Variants in MAP10 observed in about 807,000 individuals in gnomAD.
The protein encoded by MAP10 is microtubule-associated protein 10.
MAP10 carries 10 observed loss-of-function variants against 6.3 expected under a neutral mutation model. The ratio of observed to expected loss-of-function variants is 1.58; its 90% CI spans 0.98 to 2.69. MAP10 has a LOEUF of 2.69. Among genes scored for constraint, MAP10 ranks in the 30% most tolerant of loss-of-function variants. MAP10 has a pLI of 0.00. For synonymous variants in MAP10, 459 were observed against 429.3 expected (o/e 1.07, Z -0.86); for missense variants, 1,189 against 1,086.5 (o/e 1.09, Z -1.33).
At chr1:232,806,188 A>T in the MAP10 span, 1 of 1,614,028 alleles carries the variant, frequency 6.2e-7, no homozygotes, top group Admixed American at 1.7e-5. Context: ...GAAGGATTTG[A>T]AGGAAATGGT....
In MAP10 at chr1:232,807,836, C is replaced by T; in HGVS notation, c.2387C>T (p.Ala796Val). ...KSLEEASSISASDLSSTHWTE... is the reference protein window; with the variant it reads ...KSLEEASSISVSDLSSTHWTE... ...TTGGAGGAAGCATCTAGTATCTCTGCTAGTGATTTATCTTCAACACATTGG... is the reference window on the plus strand; with the variant it reads ...TTGGAGGAAGCATCTAGTATCTCTGTTAGTGATTTATCTTCAACACATTGG... Residue 796 changes from alanine (A) to valine (V), a missense_variant, in exon 1 of 1, where the codon GCT becomes GTT. Physicochemically the swap from Ala to Val is moderately conservative, Grantham distance 64 (BLOSUM62 0). Transcript: ENST00000418460. 1 of 1,613,362 alleles carries T rather than the reference C, an allele frequency of 6.2e-7. No homozygotes were observed. Among genetic ancestry groups the T allele is most frequent in the African/African-American group, 1.3e-5 (1 of 74,940 alleles).
chr1:232,807,997 C>G lies in MAP10; in HGVS notation c.2548C>G (p.Gln850Glu), dbSNP rs752181146. 1 of 1,613,424 alleles carries G rather than the reference C, an allele frequency of 6.2e-7. No individual in the cohort carries two copies. Among genetic ancestry groups the G allele is most frequent in the Non-Finnish European group, 8.5e-7 (1 of 1,179,632 alleles). The stretch of plus-strand genomic sequence containing the variant: ...AAAAAGCCAGTCACCACAAACATCC[C>G]AGGTGAGTTCTTACCTGCCTTCAAA... ...LEKSQSPQTSQVSSYLPSNVS... is the reference protein window; with the variant it reads ...LEKSQSPQTSEVSSYLPSNVS... Residue 850 changes from glutamine to glutamate, a missense_variant, in exon 1 of 1, where the codon CAG (glutamine) becomes GAG (glutamate). By Grantham distance (29) the Gln-to-Glu change is conservative (BLOSUM62 2). Coordinates refer to ENST00000418460, the MANE Select transcript of MAP10 (RefSeq NM_019090.3).
Position 232,806,328 on chromosome 1 carries a change from C to G in MAP10, c.879C>G (p.Asp293Glu), listed in dbSNP as rs181890143. ...TAAATGAGGAAGTCACAGAATTGGA[C>G]ATGGAGACCAATATATTTTGCCCTC... ...SSLNEEVTEL[D>E]METNIFCPPP... The change falls in exon 1 of 1, where the codon GAC (aspartate) becomes GAG (glutamate). Residue 293 changes from aspartate (D) to glutamate (E), a missense_variant. Physicochemically the swap from Asp to Glu is conservative, Grantham distance 45. Transcript: ENST00000418460. The G allele has an allele frequency of 3.1e-6, 5 of 1,613,840 alleles. No individual in the cohort carries two copies. The highest frequency in any genetic ancestry group is 4.2e-6 in the Non-Finnish European group (5 of 1,179,908).
Position 232,805,706 on chromosome 1 carries a change from T to A in MAP10, c.257T>A (p.Val86Asp), listed in dbSNP as rs755035061. The change falls in exon 1 of 1, where the codon GTC (valine) becomes GAC (aspartate). Residue 86 changes from valine to aspartate, a missense_variant. Val to Asp is a radical substitution (Grantham distance 152). Coordinates refer to ENST00000418460, the MANE Select transcript of MAP10 (RefSeq NM_019090.3). ...GAPAAEPWPG[V>D]IRFGRGKSCL... The stretch of plus-strand genomic sequence containing the variant: ...CCCGCCGCCGAACCGTGGCCCGGTG[T>A]CATCCGCTTCGGTCGCGGCAAGTCC... The A allele has an allele frequency of 1.9e-6, 3 of 1,604,188 alleles. No individual in the cohort carries two copies. The highest frequency in any genetic ancestry group is 2.7e-5 in the African/African-American group (2 of 74,884).
rs754095187 is a variant in MAP10, at chr1:232,806,741, A to G, written c.1292A>G (p.Asp431Gly). The change falls in exon 1 of 1, where the codon GAT becomes GGT. Residue 431 changes from aspartate (D) to glycine (G), a missense_variant. Coordinates refer to ENST00000418460, the MANE Select transcript of MAP10 (RefSeq NM_019090.3). ...CTAGCCTGGTTATATAGGACTGAGG[A>G]TAAGAAGTCACCCGAATCTTCTGCC... ...PHLAWLYRTE[D>G]KKSPESSAKS... 2.5e-6 allele frequency: 4 copies of G among 1,613,822 alleles called. No homozygotes were observed. The Admixed American group carries it at 5.0e-5, about 20-fold the overall frequency.
In MAP10 at chr1:232,806,533, C is replaced by T. The variant is rs745418605; in HGVS notation, c.1084C>T (p.His362Tyr). The T allele has an allele frequency of 1.9e-6, 3 of 1,613,954 alleles. No homozygotes were observed. In the Admixed American group the frequency reaches 5.0e-5, roughly 27 times the overall value. The change falls in exon 1 of 1, where the codon CAT (histidine) becomes TAT (tyrosine). Residue 362 changes from histidine to tyrosine, a missense_variant. Transcript: ENST00000418460. The stretch of plus-strand genomic sequence containing the variant: ...GCATCCAAGTTCTGCAGCACACGAA[C>T]ATCCTCCAATGCTTGTAAATCCTCC... ...LKHPSSAAHE[H>Y]PPMLVNPPHI...
In MAP10 at chr1:232,808,209, T is replaced by G; in HGVS notation, c.*42T>G. On this transcript the variant is annotated 3_prime_UTR_variant, in exon 1 of 1. Transcript: ENST00000418460. ...AAAACTTTCAAGGACCTATGTGTAC[T>G]GTTAGTGAAAAAAATTTTAAAGCTG... 1 of 1,322,368 alleles carries G rather than the reference T, an allele frequency of 7.6e-7. No homozygotes were observed. Among genetic ancestry groups the G allele is most frequent in the Non-Finnish European group, 9.9e-7 (1 of 1,006,690 alleles). The allele number at this position is 1,322,368 out of a possible 1,614,324, so 81.9% of individuals were successfully genotyped here.
chr1:232,807,965 CTT>C, the MAP10 span: 5 of 1,612,602 alleles, frequency 3.1e-6, no homozygotes, highest in Admixed American at 8.4e-5. Flanking sequence ...AGTTGGAAAT[CTT>C]TAGAAAAAAG....
Position 232,808,605 on chromosome 1 carries a change from A to G in MAP10, c.*438A>G, listed in dbSNP as rs1056092506. On this transcript the variant is annotated 3_prime_UTR_variant, in exon 1 of 1. Transcript: ENST00000418460. ...ATTTATGATAGAGCCCTGCTGTTTT[A>G]AAAGCTTACAGTTGTATGTAGATAA... 1.3e-5 allele frequency among the ~76,000 whole-genome samples: 2 copies of G among 152,212 alleles called. No homozygotes were observed. Among genetic ancestry groups the G allele is most frequent in the African/African-American group, 4.8e-5 (2 of 41,474 alleles).
At chr1:232,807,791 CAA>C in the MAP10 span, 1 of 1,613,250 alleles carries the variant, frequency 6.2e-7, no homozygotes, top group Non-Finnish European at 8.5e-7. Context: ...TTTCATATTT[CAA>C]AGACTCAGGA....
At position 232,806,770 on chromosome 1, in the gene MAP10, T is replaced by A. The variant is rs1400133188; in HGVS notation, c.1321T>A (p.Ser441Thr). ...GAAGTCACCCGAATCTTCTGCCAAA[T>A]CCACATGCCGGTCTGAAGCCAAGAA... ...DKKSPESSAK[S>T]TCRSEAKKDK... The change falls in exon 1 of 1, where the codon TCC becomes ACC. Residue 441 changes from serine to threonine, a missense_variant. Physicochemically the swap from Ser to Thr is moderately conservative, Grantham distance 58 (BLOSUM62 1). Transcript: ENST00000418460. 6.2e-7 allele frequency: 1 copy of A among 1,613,772 alleles called. No homozygotes were observed. Among genetic ancestry groups the A allele is most frequent in the Non-Finnish European group, 8.5e-7 (1 of 1,179,838 alleles).
In MAP10 at chr1:232,807,776, G is replaced by A. The variant is rs1218558801; in HGVS notation, c.2327G>A (p.Arg776Lys). 1 of 1,613,194 alleles carries A rather than the reference G, an allele frequency of 6.2e-7. No individual in the cohort carries two copies. The highest frequency in any genetic ancestry group is 8.5e-7 in the Non-Finnish European group (1 of 1,179,706). ...GCCGGGTCACCTGTACACTCATACAGAAAATTTCATATTTCAAAGACTCAG... is the reference window on the plus strand; with the variant it reads ...GCCGGGTCACCTGTACACTCATACAAAAAATTTCATATTTCAAAGACTCAG... The part of the protein sequence containing the change: ...FSAGSPVHSY[R>K]KFHISKTQDK... Residue 776 changes from arginine (R) to lysine (K), a missense_variant, in exon 1 of 1, where the codon AGA (arginine) becomes AAA (lysine). Arg to Lys is a conservative substitution (Grantham distance 26). Coordinates refer to ENST00000418460, the MANE Select transcript of MAP10 (RefSeq NM_019090.3).
rs766549655 is a variant in MAP10 at position 232,807,742 on chromosome 1, C to T, written c.2293C>T (p.Pro765Ser). Residue 765 changes from proline to serine, a missense_variant, in exon 1 of 1, where the codon CCT becomes TCT. Coordinates refer to ENST00000418460, the MANE Select transcript of MAP10 (RefSeq NM_019090.3). ...SSDRSSILSP[P>S]FSAGSPVHSY... ...TGACAGGAGTTCTATCCTTAGCCCA[C>T]CTTTTTCAGCCGGGTCACCTGTACA... 1.9e-6 allele frequency: 3 copies of T among 1,613,678 alleles called. No homozygotes were observed. The highest frequency in any genetic ancestry group is 2.5e-6 in the Non-Finnish European group (3 of 1,179,788).
In MAP10 at chr1:232,806,534, A is replaced by G. The variant is rs769181679; in HGVS notation, c.1085A>G (p.His362Arg). 3.3e-5 allele frequency: 54 copies of G among 1,613,868 alleles called. No homozygotes were observed. Among genetic ancestry groups the G allele is most frequent in the Non-Finnish European group, 4.5e-5 (53 of 1,179,884 alleles). ...LKHPSSAAHEHPPMLVNPPHI... is the reference protein window; with the variant it reads ...LKHPSSAAHERPPMLVNPPHI... Reference sequence around the variant, plus strand: ...CATCCAAGTTCTGCAGCACACGAACATCCTCCAATGCTTGTAAATCCTCCA... The same window carrying G: ...CATCCAAGTTCTGCAGCACACGAACGTCCTCCAATGCTTGTAAATCCTCCA... The change falls in exon 1 of 1, where the codon CAT (histidine) becomes CGT (arginine). Residue 362 changes from histidine to arginine, a missense_variant. Coordinates refer to ENST00000418460, the MANE Select transcript of MAP10 (RefSeq NM_019090.3).
Position 232,806,131 on chromosome 1 carries a change from A to G in MAP10, c.682A>G (p.Lys228Glu). The G allele has an allele frequency of 6.2e-7, 1 of 1,614,032 alleles. No homozygotes were observed. Among genetic ancestry groups the G allele is most frequent in the Non-Finnish European group, 8.5e-7 (1 of 1,179,900 alleles). Residue 228 changes from lysine to glutamate, a missense_variant, in exon 1 of 1, where the codon AAA becomes GAA. Lys to Glu is a moderately conservative substitution (Grantham distance 56). Transcript: ENST00000418460. ...GCAGCCAGCCTCACAGCCAAGCCCA[A>G]AAGAGGCTGATAAGCCGCTGGGGGA... ...LQQPASQPSPKEADKPLGELE... is the reference protein window; with the variant it reads ...LQQPASQPSPEEADKPLGELE...
At position 232,807,578 on chromosome 1, in the gene MAP10, C is replaced by A. The variant is rs1406391760; in HGVS notation, c.2129C>A (p.Ser710Tyr). The change falls in exon 1 of 1, where the codon TCT (serine) becomes TAT (tyrosine). Residue 710 changes from serine to tyrosine, a missense_variant. Physicochemically the swap from Ser to Tyr is moderately radical, Grantham distance 144 (BLOSUM62 -2). Coordinates refer to ENST00000418460, the MANE Select transcript of MAP10 (RefSeq NM_019090.3). ...YSDDLSSPCY[S>Y]EDFCTSEDTS... ...GATGATTTGTCTAGCCCTTGCTATTCTGAAGATTTCTGTACCAGTGAGGAC... is the reference window on the plus strand; with the variant it reads ...GATGATTTGTCTAGCCCTTGCTATTATGAAGATTTCTGTACCAGTGAGGAC... 6.2e-7 allele frequency: 1 copy of A among 1,610,814 alleles called. No individual in the cohort carries two copies. Among genetic ancestry groups the A allele is most frequent in the African/African-American group, 1.3e-5 (1 of 74,876 alleles).
At position 232,808,237 on chromosome 1, in the gene MAP10, T is replaced by G; in HGVS notation, c.*70T>G. The stretch of plus-strand genomic sequence containing the variant: ...TAGTGAAAAAAATTTTAAAGCTGTT[T>G]TAGTTCATGAATTATGTGAATAATT... On this transcript the variant is annotated 3_prime_UTR_variant, in exon 1 of 1. Transcript: ENST00000418460. The G allele has an allele frequency of 1.1e-6, 1 of 924,374 alleles. No homozygotes were observed. Among genetic ancestry groups the G allele is most frequent in the Non-Finnish European group, 1.5e-6 (1 of 658,910 alleles). The allele number at this position is 924,374 out of a possible 1,614,324, so 57.3% of individuals were successfully genotyped here. A position where few individuals can be genotyped will look rare whatever the true frequency, so the allele number is the denominator to read the frequency against.
rs200280379 is a variant in MAP10 at position 232,807,164 on chromosome 1, A to G, written c.1715A>G (p.Asn572Ser). The G allele has an allele frequency of 2.4e-4, 392 of 1,613,094 alleles. No homozygotes were observed. Among genetic ancestry groups the G allele is most frequent in the Non-Finnish European group, 3.1e-4 (370 of 1,179,332 alleles). ...YLDSDASFTE[N>S]SDTSRQISGV... ...GATTCAGATGCATCTTTCACTGAAA[A>G]TAGTGATACCTCAAGACAAATCAGT... Residue 572 changes from asparagine to serine, a missense_variant, in exon 1 of 1, where the codon AAT becomes AGT. Transcript: ENST00000418460.
At chr1:232,807,179 GA>G in the MAP10 span, 1 of 1,613,248 alleles carries the variant, frequency 6.2e-7, no homozygotes, top group Non-Finnish European at 8.5e-7. Context: ...GATACCTCAA[GA>G]CAAATCAGTG....
Sources: allele counts gnomAD v4.1 joint callset (sites outside exome capture counted in the v4.1 genomes callset), GRCh38; gene constraint gnomAD v4.1.1; transcripts MANE v1.5; gene names NCBI Gene and HGNC (gene_info 2026-07-23, HGNC 2026-07-21).